RNFT2: variants seen among roughly 807,000 people sequenced by gnomAD.
The protein encoded by RNFT2 is ring finger protein, transmembrane 2.
RNFT2 carries 36 observed loss-of-function variants against 53.0 expected under a neutral mutation model. The ratio of observed to expected loss-of-function variants is 0.68; its 90% CI spans 0.52 to 0.90. RNFT2 has a LOEUF of 0.90. Among genes scored for constraint, RNFT2 ranks in the 40% least tolerant of loss-of-function variants. The pLI, the probability that RNFT2 is intolerant of heterozygous loss-of-function variation, is 0.00. For synonymous variants in RNFT2, 260 were observed against 253.2 expected (o/e 1.03, Z -0.26); for missense variants, 514 against 585.6 (o/e 0.88, Z 1.26).
At chr12:116,803,249 C>G (rs1162190029) in intron 7 of RNFT2, among the ~76,000 whole-genome samples, 1 of 152,178 alleles carries the variant, frequency 6.6e-6, no homozygotes, top group African/African-American at 2.4e-5. Flanking sequence ...CCTCTGGGTG[C>G]AACCGACACC....
Position 116,836,268 on chromosome 12 carries a change from A to C in RNFT2, c.1186A>C (p.Ile396Leu), listed in dbSNP as rs1876963863. 1 of 1,575,568 alleles carries C rather than the reference A, an allele frequency of 6.3e-7. No individual in the cohort carries two copies. Residue 396 changes from isoleucine (I) to leucine (L), a missense_variant, in exon 10 of 11, where the codon ATT becomes CTT. By Grantham distance (5) the Ile-to-Leu change is conservative. Coordinates refer to ENST00000257575, the MANE Select transcript of RNFT2 (RefSeq NM_001382266.1). ...ICQAEFREPL[I>L]LLCQHVFCEE... Reference sequence around the variant, plus strand: ...TCAGGCCGAGTTCCGAGAGCCTCTGATTCTCCTGTGCCAGGTGAGCAGGGC... The same window carrying C: ...TCAGGCCGAGTTCCGAGAGCCTCTGCTTCTCCTGTGCCAGGTGAGCAGGGC...
At chr12:116,845,468 A>G (rs747875432) in intron 10 of RNFT2, among the ~76,000 whole-genome samples, 6 of 152,076 alleles carry the variant, frequency 3.9e-5, no homozygotes, top group Admixed American at 2.6e-4. Flanking sequence ...CAGGGGAGAC[A>G]TGATTGCTTG....
intron 10 of RNFT2, among the ~76,000 whole-genome samples, chr12:116,837,912 A>T (rs1385096676): frequency 2.6e-5 from 4 of 152,166 alleles, no homozygotes; most frequent in Non-Finnish European, 5.9e-5. Flanking sequence ...AATTATTCCA[A>T]AATAAAAAGT....
chr12:116,799,058 C>A (rs918803880), intron 7 of RNFT2, among the ~76,000 whole-genome samples: 2 of 152,172 alleles, frequency 1.3e-5, no homozygotes, highest in African/African-American at 4.8e-5. Flanking sequence ...CCAGGCTGGG[C>A]TCTTATCTGG....
rs745918547 is a variant in RNFT2 at position 116,750,211 on chromosome 12, G to A, written c.454G>A (p.Ala152Thr). The A allele has an allele frequency of 3.1e-6, 5 of 1,605,272 alleles. No individual in the cohort carries two copies. The highest frequency in any genetic ancestry group is 1.3e-5 in the African/African-American group (1 of 74,984). The part of the protein sequence containing the change: ...GDEQPGTPAP[A>T]LSELKAVICW... ...CGAGCAGCCTGGGACGCCCGCCCCCGCCCTGTCCGAGCTGAAGGCTGTGAT... is the reference window on the plus strand; with the variant it reads ...CGAGCAGCCTGGGACGCCCGCCCCCACCCTGTCCGAGCTGAAGGCTGTGAT... Residue 152 changes from alanine (A) to threonine (T), a missense_variant, in exon 4 of 11, where the codon GCC becomes ACC. Ala to Thr is a moderately conservative substitution (Grantham distance 58). Around this residue, in one of 3 missense-constraint regions of RNFT2, gnomAD observed 237 missense variants for 235.1 expected, o/e 1.01. Coordinates refer to ENST00000257575, the MANE Select transcript of RNFT2 (RefSeq NM_001382266.1).
intron 7 of RNFT2, among the ~76,000 whole-genome samples, chr12:116,826,121 C>G (rs1382711961): frequency 6.6e-6 from 1 of 152,042 alleles, no homozygotes; most frequent in Non-Finnish European, 1.5e-5. Context: ...TGCGTTCTTC[C>G]AAAAAATTCT....
At chr12:116,802,548 A>G (rs1426073746) in intron 7 of RNFT2, among the ~76,000 whole-genome samples, 1 of 152,332 alleles carries the variant, frequency 6.6e-6, no homozygotes, top group Non-Finnish European at 1.5e-5. Context: ...AAGTTAGTGT[A>G]AAGATGGGGG....
rs566784040 is a variant in RNFT2, at chr12:116,852,334, G to A, written c.*2886G>A. 378 of 1,262,508 alleles carry A rather than the reference G, an allele frequency of 3.0e-4. No individual in the cohort carries two copies. The highest frequency in any genetic ancestry group is 2.2e-3 in the Middle Eastern group (7 of 3,188). 78.2% of individuals were successfully genotyped at this position (1,262,508 alleles called of 1,614,324 possible). ...CATGTCCCCTTCCCCCTGCCCCGCC[G>A]TAGATTCAGGACATTTGCCCCTGTG... On this transcript the variant is annotated 3_prime_UTR_variant, in exon 11 of 11. Transcript: ENST00000257575.
At chr12:116,816,691 T>G (rs1040405210) in intron 7 of RNFT2, among the ~76,000 whole-genome samples, 1 of 152,346 alleles carries the variant, frequency 6.6e-6, no homozygotes, top group South Asian at 2.1e-4. Flanking sequence ...TCTCTGAAAC[T>G]GAGCCTCAGT....
intron 7 of RNFT2, among the ~76,000 whole-genome samples, chr12:116,812,725 G>A (rs1025868877): frequency 6.6e-6 from 1 of 152,022 alleles, no homozygotes; most frequent in African/African-American, 2.4e-5. Flanking sequence ...GTAGAGATGG[G>A]GTTTTACCAT....
intron 6 of RNFT2, among the ~76,000 whole-genome samples, chr12:116,768,261 C>T (rs934723638): frequency 6.6e-6 from 1 of 151,992 alleles, no homozygotes; most frequent in African/African-American, 2.4e-5. Context: ...CCACCATGCC[C>T]AGCTAATTCT....
intron 7 of RNFT2, among the ~76,000 whole-genome samples, chr12:116,806,841 T>C (rs1182757903): frequency 6.6e-6 from 1 of 152,186 alleles, no homozygotes; most frequent in Non-Finnish European, 1.5e-5. Flanking sequence ...TTAGATTTTC[T>C]ATTAATCCTT....
intron 7 of RNFT2, among the ~76,000 whole-genome samples, chr12:116,808,610 C>T (rs1875200399): frequency 6.6e-6 from 1 of 152,266 alleles, no homozygotes; most frequent in South Asian, 2.1e-4. Flanking sequence ...CTCCACACCC[C>T]CCAAGCTGTT....
At chr12:116,789,590 G>A (rs1874121868) in intron 7 of RNFT2, among the ~76,000 whole-genome samples, 1 of 144,584 alleles carries the variant, frequency 6.9e-6, no homozygotes, top group Non-Finnish European at 1.5e-5. Context: ...TAAATGGTAG[G>A]AGAGTGGTGG....
At chr12:116,832,142 A>AT (rs1170051785) in intron 7 of RNFT2, among the ~76,000 whole-genome samples, 119 of 61,774 alleles carry the variant, frequency 1.9e-3, no homozygotes, top group African/African-American at 6.0e-3. Flanking sequence ...AAAAAAAAAA[A>AT]AAAAAAATAT....
At chr12:116,762,997 G>C (rs1872748670) in intron 5 of RNFT2, among the ~76,000 whole-genome samples, 1 of 152,166 alleles carries the variant, frequency 6.6e-6, no homozygotes, top group South Asian at 2.1e-4. Context: ...CAGGAGGATT[G>C]CTTGATCCCA....
At chr12:116,742,382 C>T (rs1871655131) in intron 3 of RNFT2, among the ~76,000 whole-genome samples, 1 of 151,512 alleles carries the variant, frequency 6.6e-6, no homozygotes, top group African/African-American at 2.4e-5. Context: ...ATCCTCCTAC[C>T]TCTCAGCCTT....
intron 7 of RNFT2, among the ~76,000 whole-genome samples, chr12:116,821,118 C>G (rs1354938794): frequency 1.3e-5 from 2 of 152,190 alleles, no homozygotes; most frequent in Non-Finnish European, 2.9e-5. Flanking sequence ...TGCCTTCTCA[C>G]CTGGACTCTG....
chr12:116,831,544 T>C (rs1422072903), intron 7 of RNFT2, among the ~76,000 whole-genome samples: 1 of 152,148 alleles, frequency 6.6e-6, no homozygotes, highest in African/African-American at 2.4e-5. Flanking sequence ...CTTTTTTTTT[T>C]TTAGTATTAC....
Sources: allele counts gnomAD v4.1 joint callset (sites outside exome capture counted in the v4.1 genomes callset), GRCh38; gene constraint gnomAD v4.1.1; regional missense constraint gnomAD v4.1.1; transcripts MANE v1.5; gene names NCBI Gene and HGNC (gene_info 2026-07-23, HGNC 2026-07-21).